DMP1: variants seen among roughly 807,000 people sequenced by gnomAD.
DMP1 encodes dentin matrix acidic phosphoprotein 1, also known as dentin matrix protein 1.
DMP1 carries 20 observed loss-of-function variants against 14.6 expected under a neutral mutation model. That is an observed-to-expected ratio of 1.37 (90% CI 0.96 to 1.99). The LOEUF (loss-of-function observed/expected upper bound fraction) is 1.99, where lower values mean the gene tolerates loss of function less well. Among genes scored for constraint, DMP1 ranks in the 30% most tolerant of loss-of-function variants. The pLI, the probability that DMP1 is intolerant of heterozygous loss-of-function variation, is 0.00. For synonymous variants in DMP1, 197 were observed against 215.3 expected (o/e 0.91, Z 0.75); for missense variants, 567 against 620.5 (o/e 0.91, Z 0.92).
chr4:87,653,839 C>A (rs1728605627), intron 1 of DMP1, among the ~76,000 whole-genome samples: 1 of 151,914 alleles, frequency 6.6e-6, no homozygotes, highest in Non-Finnish European at 1.5e-5. Flanking sequence ...TGAAGGTTTG[C>A]TGAAAATCAA....
intron 1 of DMP1, among the ~76,000 whole-genome samples, chr4:87,652,501 T>G (rs1728552757): frequency 6.6e-6 from 1 of 152,104 alleles, no homozygotes; most frequent in African/African-American, 2.4e-5. Context: ...AACTCTAGAG[T>G]GTCTTTTATT....
At chr4:87,656,997 C>T (rs1374670092) in intron 2 of DMP1, 35 bp from the exon 3 acceptor site, 1 of 1,306,304 alleles carries the variant, frequency 7.7e-7, no homozygotes, top group East Asian at 2.3e-5. Context: ...TTAGAAATTT[C>T]TCTTTGGATT....
chr4:87,661,112 A>G (rs1442248823), intron 5 of DMP1, among the ~76,000 whole-genome samples: 1 of 149,610 alleles, frequency 6.7e-6, no homozygotes, highest in African/African-American at 2.5e-5. Context: ...ATCTCGGCTC[A>G]CTGCAACCTC....
rs911866027 is a variant in DMP1 at position 87,663,340 on chromosome 4, C to G, written c.*20C>G. On this transcript the variant is annotated 3_prime_UTR_variant, in exon 6 of 6. Transcript: ENST00000339673. ...TATTAGCATCAGCTGTCCTAAGAAGCAGTTGTCACATAAAGGAGTCTTAGG... is the reference window on the plus strand; with the variant it reads ...TATTAGCATCAGCTGTCCTAAGAAGGAGTTGTCACATAAAGGAGTCTTAGG... 1 of 1,614,054 alleles carries G rather than the reference C, an allele frequency of 6.2e-7. No homozygotes were observed. Among genetic ancestry groups the G allele is most frequent in the Non-Finnish European group, 8.5e-7 (1 of 1,180,028 alleles).
intron 2 of DMP1, 51 bp downstream of exon 2, chr4:87,656,597 C>A: frequency 7.8e-7 from 1 of 1,278,240 alleles, no homozygotes; most frequent in South Asian, 1.2e-5. Context: ...ACTTAAAACT[C>A]CACAATTTTG....
At chr4:87,660,951 A>G (rs1163630917) in intron 5 of DMP1, among the ~76,000 whole-genome samples, 2 of 152,256 alleles carry the variant, frequency 1.3e-5, no homozygotes, top group Non-Finnish European at 2.9e-5. Flanking sequence ...AATATTTTTA[A>G]AAACTCTGTT....
chr4:87,661,160 C>T (rs1728855737), intron 5 of DMP1, among the ~76,000 whole-genome samples: 1 of 149,144 alleles, frequency 6.7e-6, no homozygotes, highest in Admixed American at 6.7e-5. Context: ...GCCTCAGCCT[C>T]CCAAGTAACT....
chr4:87,652,411 A>G (rs1231371588), intron 1 of DMP1, among the ~76,000 whole-genome samples: 1 of 152,200 alleles, frequency 6.6e-6, no homozygotes, highest in Non-Finnish European at 1.5e-5. Flanking sequence ...ATGCAAACCT[A>G]ACAAGGGGTT....
chr4:87,660,396 T>G (rs1728826256), intron 5 of DMP1, among the ~76,000 whole-genome samples: 1 of 152,156 alleles, frequency 6.6e-6, no homozygotes, highest in African/African-American at 2.4e-5. Context: ...TTCCTGCTTG[T>G]GAGTTGGGTT....
At chr4:87,650,557 A>T (rs1373009955) in intron 1 of DMP1, among the ~76,000 whole-genome samples, 173 bp downstream of exon 1, 1 of 152,182 alleles carries the variant, frequency 6.6e-6, no homozygotes, top group Non-Finnish European at 1.5e-5. Context: ...CACAGTAAAT[A>T]ATGATATGAA....
chr4:87,662,436 C>A lies in DMP1; in HGVS notation c.658C>A (p.Pro220Thr), dbSNP rs367695473. The change falls in exon 6 of 6, where the codon CCA becomes ACA. Residue 220 changes from proline (P) to threonine (T), a missense_variant. Transcript: ENST00000339673. ...LDDEGMQSDDPESIRSERGNS... is the reference protein window; with the variant it reads ...LDDEGMQSDDTESIRSERGNS... ...CGATGAGGGAATGCAGAGTGATGAC[C>A]CAGAGAGCATCAGGAGTGAAAGGGG... The A allele has an allele frequency of 1.9e-6, 3 of 1,614,026 alleles. No homozygotes were observed. The African/African-American group carries it at 4.0e-5, about 22-fold the overall frequency.
intron 1 of DMP1, among the ~76,000 whole-genome samples, chr4:87,653,084 T>C (rs1728565650): frequency 6.6e-6 from 1 of 152,062 alleles, no homozygotes; most frequent in Admixed American, 6.6e-5. Flanking sequence ...TTGATATTAA[T>C]TGAAGGATTT....
Position 87,663,580 on chromosome 4 carries a change from G to C in DMP1, c.*260G>C, listed in dbSNP as rs1728996854. The C allele has an allele frequency of 3.8e-6, 2 of 532,804 alleles. No homozygotes were observed. Among genetic ancestry groups the C allele is most frequent in the Non-Finnish European group, 6.7e-6 (2 of 298,216 alleles). The allele number at this position is 532,804 out of a possible 1,614,324, so 33.0% of individuals were successfully genotyped here. On this transcript the variant is annotated 3_prime_UTR_variant, in exon 6 of 6. Transcript: ENST00000339673. Reference sequence around the variant, plus strand: ...ATCTGCATGATAACTTTGCAGCTGAGATAGTTCCTAATTCATCAACGTAAC... The same window carrying C: ...ATCTGCATGATAACTTTGCAGCTGACATAGTTCCTAATTCATCAACGTAAC...
chr4:87,663,333 T>G lies in DMP1; in HGVS notation c.*13T>G. On this transcript the variant is annotated 3_prime_UTR_variant, in exon 6 of 6. Transcript: ENST00000339673. ...AGACGGCTATTAGCATCAGCTGTCCTAAGAAGCAGTTGTCACATAAAGGAG... is the reference window on the plus strand; with the variant it reads ...AGACGGCTATTAGCATCAGCTGTCCGAAGAAGCAGTTGTCACATAAAGGAG... The G allele has an allele frequency of 6.2e-7, 1 of 1,614,200 alleles. No homozygotes were observed. Among genetic ancestry groups the G allele is most frequent in the East Asian group, 2.2e-5 (1 of 44,888 alleles).
chr4:87,661,549 C>T (rs1728879210), intron 5 of DMP1, among the ~76,000 whole-genome samples: 2 of 151,732 alleles, frequency 1.3e-5, no homozygotes, highest in Admixed American at 6.6e-5. Flanking sequence ...TTAGTAGAGA[C>T]GAGGTTTCAC....
chr4:87,663,489 TCA>T lies in DMP1; in HGVS notation c.*172_*173del. On this transcript the variant is annotated 3_prime_UTR_variant, in exon 6 of 6. Transcript: ENST00000339673. ...CACTTGTTTTTAGGGTGTCATCATT[TCA>T]CAGAGGTTTAAATACTGTGGAGTGA... is the stretch of plus-strand genomic sequence containing the variant. The T allele has an allele frequency of 1.0e-6, 1 of 972,970 alleles. No individual in the cohort carries two copies. The highest frequency in any genetic ancestry group is 1.5e-5 in the South Asian group (1 of 66,420). The allele number at this position is 972,970 out of a possible 1,614,324, so 60.3% of individuals were successfully genotyped here.
Position 87,663,183 on chromosome 4 carries a change from A to T in DMP1, c.1405A>T (p.Thr469Ser), listed in dbSNP as rs1160485743. The change falls in exon 6 of 6, where the codon ACG (threonine) becomes TCG (serine). Residue 469 changes from threonine (T) to serine (S), a missense_variant. Coordinates refer to ENST00000339673, the MANE Select transcript of DMP1 (RefSeq NM_004407.4). The part of the protein sequence containing the change: ...SSRSKEDSNS[T>S]ESKSSSEEDG... Reference sequence around the variant, plus strand: ...CAGATCCAAAGAAGATAGCAACTCCACGGAGAGCAAATCAAGCAGTGAGGA... The same window carrying T: ...CAGATCCAAAGAAGATAGCAACTCCTCGGAGAGCAAATCAAGCAGTGAGGA... The T allele has an allele frequency of 1.9e-6, 3 of 1,614,076 alleles. No individual in the cohort carries two copies. The highest frequency in any genetic ancestry group is 2.5e-6 in the Non-Finnish European group (3 of 1,180,052).
Position 87,663,031 on chromosome 4 carries a change from G to T in DMP1, c.1253G>T (p.Ser418Ile). The T allele has an allele frequency of 6.2e-7, 1 of 1,614,180 alleles. No homozygotes were observed. ...SSESLNFSEE[S>I]PESPEDENSS... Reference sequence around the variant, plus strand: ...GAGAGCCTCAACTTCTCAGAGGAAAGCCCGGAGTCCCCTGAGGATGAGAAC... The same window carrying T: ...GAGAGCCTCAACTTCTCAGAGGAAATCCCGGAGTCCCCTGAGGATGAGAAC... The change falls in exon 6 of 6, where the codon AGC becomes ATC. Residue 418 changes from serine to isoleucine, a missense_variant. Transcript: ENST00000339673.
In DMP1 at chr4:87,661,204, A is replaced by ATT. The variant is rs70957272; in HGVS notation, c.184-723_184-722dup. The stretch of plus-strand genomic sequence containing the variant: ...AGGTTTGTGGCACCACAGCCAGCTA[A>ATT]TTTTTTTTTTTTTTTTTTTTTTTTT... On this transcript the variant is annotated intron_variant, in intron 5 of 5. Transcript: ENST00000339673. 9.5e-3 allele frequency among the ~76,000 whole-genome samples: 632 copies of ATT among 66,622 alleles called. 131 individuals carry two copies. The highest frequency in any genetic ancestry group is 0.014 in the African/African-American group (242 of 16,756). 43.7% of individuals were successfully genotyped at this position (66,622 alleles called of 152,430 possible).
Sources: allele counts gnomAD v4.1 joint callset (sites outside exome capture counted in the v4.1 genomes callset), GRCh38; gene constraint gnomAD v4.1.1; transcripts MANE v1.5; gene names NCBI Gene and HGNC (gene_info 2026-07-23, HGNC 2026-07-21).